Variants in CSMD1 observed in about 807,000 individuals in gnomAD.
CSMD1 encodes the protein CUB and Sushi multiple domains 1.
A neutral mutation model predicts 417.5 loss-of-function variants in CSMD1; 213 were observed. The ratio of observed to expected loss-of-function variants is 0.51; its 90% CI spans 0.46 to 0.57. The LOEUF (loss-of-function observed/expected upper bound fraction) is 0.57. Ranked by LOEUF, CSMD1 falls within the 20% of genes least tolerant of loss-of-function variation. The pLI is 0.00. For synonymous variants in CSMD1, 2,862 were observed against 1,736.8 expected (o/e 1.65, Z -16.11); for missense variants, 6,923 against 4,529.7 (o/e 1.53, Z -15.17).
chr8:3,398,919 T>G (rs927767978), intron 16 of CSMD1, among the ~76,000 whole-genome samples: 3 of 152,180 alleles, frequency 2.0e-5, no homozygotes, highest in Non-Finnish European at 4.4e-5. Flanking sequence ...TCATAGGCGA[T>G]TAGTTGGTGA....
intron 2 of CSMD1, among the ~76,000 whole-genome samples, chr8:4,452,489 C>CCTG (rs1218037802): frequency 6.6e-6 from 1 of 152,130 alleles, no homozygotes; most frequent in Non-Finnish European, 1.5e-5. Flanking sequence ...CAAACCATGA[C>CCTG]CTGCTAACTA....
chr8:4,668,583 G>A (rs534022482), intron 1 of CSMD1, among the ~76,000 whole-genome samples: 24 of 151,864 alleles, frequency 1.6e-4, no homozygotes, highest in African/African-American at 4.1e-4. Context: ...CAGAGAAGCT[G>A]GGAATACAGG....
At chr8:3,134,943 A>C (rs1817995271) in intron 41 of CSMD1, among the ~76,000 whole-genome samples, 1 of 152,174 alleles carries the variant, frequency 6.6e-6, no homozygotes, top group Admixed American at 6.5e-5. Context: ...ATTATTACTG[A>C]GACAGGGTCT....
chr8:3,968,186 CAAAT>C (rs1265624160), intron 5 of CSMD1, among the ~76,000 whole-genome samples: 1 of 72,370 alleles, frequency 1.4e-5, no homozygotes, highest in African/African-American at 7.5e-5. Context: ...GACTCCGTCT[CAAAT>C]AATAATAATA....
intron 1 of CSMD1, among the ~76,000 whole-genome samples, chr8:4,670,545 T>C (rs868543789): frequency 6.6e-6 from 1 of 152,350 alleles, no homozygotes. Flanking sequence ...GTGTCTTATA[T>C]TCTGATCGTT....
At chr8:3,713,071 T>A (rs1801620502) in intron 6 of CSMD1, among the ~76,000 whole-genome samples, 1 of 152,188 alleles carries the variant, frequency 6.6e-6, no homozygotes, top group African/African-American at 2.4e-5. Context: ...AAACTTGAAA[T>A]AAATATGACG....
chr8:3,742,016 G>C (rs1427239417), intron 6 of CSMD1, among the ~76,000 whole-genome samples: 1 of 148,664 alleles, frequency 6.7e-6, no homozygotes, highest in East Asian at 2.0e-4. Context: ...TGCCTTTCGA[G>C]GCTGGAATTC....
At chr8:3,164,593 T>A (rs531991026) in intron 37 of CSMD1, among the ~76,000 whole-genome samples, 1 of 152,284 alleles carries the variant, frequency 6.6e-6, no homozygotes, top group East Asian at 1.9e-4. Flanking sequence ...ATCTCTGAGT[T>A]TTTTATTTCC....
At chr8:4,670,491 T>G (rs910093575) in intron 1 of CSMD1, among the ~76,000 whole-genome samples, 5 of 152,196 alleles carry the variant, frequency 3.3e-5, no homozygotes, top group Non-Finnish European at 7.3e-5. Flanking sequence ...TACTCCCACT[T>G]GAATTCATTA....
At chr8:4,803,472 G>C (rs1798421465) in intron 1 of CSMD1, among the ~76,000 whole-genome samples, 1 of 152,090 alleles carries the variant, frequency 6.6e-6, no homozygotes, top group Non-Finnish European at 1.5e-5. Flanking sequence ...GAGGGTTAGG[G>C]GTCAGAAAGC....
intron 10 of CSMD1, among the ~76,000 whole-genome samples, chr8:3,551,631 T>C (rs1032827333): frequency 1.5e-4 from 22 of 149,918 alleles, no homozygotes; most frequent in Non-Finnish European, 2.1e-4. Flanking sequence ...ATACATTATG[T>C]TCTTTCCGGT....
chr8:3,401,557 G>A (rs1036295126), intron 15 of CSMD1, among the ~76,000 whole-genome samples: 3 of 152,126 alleles, frequency 2.0e-5, no homozygotes, highest in Non-Finnish European at 4.4e-5. Flanking sequence ...TAATAAGTTT[G>A]TATTAGTCAG....
intron 26 of CSMD1, among the ~76,000 whole-genome samples, chr8:3,261,679 C>G (rs1451598123): frequency 1.3e-5 from 2 of 152,032 alleles, no homozygotes; most frequent in Non-Finnish European, 2.9e-5. Flanking sequence ...AGGAATATGC[C>G]CTGGATTCAT....
At chr8:4,725,950 G>A (rs1200172927) in intron 1 of CSMD1, among the ~76,000 whole-genome samples, 1 of 152,062 alleles carries the variant, frequency 6.6e-6, no homozygotes, top group African/African-American at 2.4e-5. Context: ...CACGGCATTC[G>A]TCAAGAAGTT....
intron 3 of CSMD1, among the ~76,000 whole-genome samples, chr8:4,282,945 C>G (rs1225925142): frequency 6.6e-6 from 1 of 152,012 alleles, no homozygotes; most frequent in East Asian, 1.9e-4. Context: ...CAAATCTGAC[C>G]CTACACTTTT....
rs564003247 is a variant in CSMD1 at position 4,622,770 on chromosome 8, G to C, written c.302+14572C>G. Among the ~76,000 whole-genome samples the C allele has an allele frequency of 2.0e-5, 3 of 152,118 alleles. 1 individual carries two copies. The highest frequency in any genetic ancestry group is 1.9e-4 in the East Asian group (1 of 5,168). ...GTGCAACATTGTACTGAAGGAGCTG[G>C]GCATTTCAATACAGCACCCAAAAGA... On this transcript the variant is annotated intron_variant, in intron 2 of 69. Transcript: ENST00000635120.
intron 3 of CSMD1, among the ~76,000 whole-genome samples, chr8:4,139,434 G>C (rs79392125): frequency 0.31 from 45,247 of 144,932 alleles, 8,423 homozygotes; most frequent in Non-Finnish European, 0.39. Flanking sequence ...AAAGAACGAA[G>C]GAAGACTCTA....
At chr8:4,168,843 G>A (rs1797605471) in intron 3 of CSMD1, among the ~76,000 whole-genome samples, 1 of 151,852 alleles carries the variant, frequency 6.6e-6, no homozygotes, top group Non-Finnish European at 1.5e-5. Context: ...GTTGTCTTCA[G>A]CCTCCACCAC....
At chr8:3,695,431 C>G (rs1000744689) in intron 7 of CSMD1, among the ~76,000 whole-genome samples, 3 of 152,076 alleles carry the variant, frequency 2.0e-5, no homozygotes, top group African/African-American at 7.2e-5. Flanking sequence ...AATTAATCCT[C>G]TTGGTAGATT....
Sources: allele counts gnomAD v4.1 joint callset (sites outside exome capture counted in the v4.1 genomes callset), GRCh38; gene constraint gnomAD v4.1.1; transcripts MANE v1.5; gene names NCBI Gene and HGNC (gene_info 2026-07-23, HGNC 2026-07-21).